ARMH4: variants seen among roughly 807,000 people sequenced by gnomAD.
ARMH4 encodes the protein armadillo like helical domain containing 4, also known as armadillo-like helical domain-containing protein 4.
A neutral mutation model predicts 61.9 loss-of-function variants in ARMH4; 49 were observed. That is an observed-to-expected ratio of 0.79 (90% CI 0.63 to 1.00). ARMH4 has a LOEUF of 1.00. Among genes scored for constraint, ARMH4 ranks in the 50% least tolerant of loss-of-function variants. The probability of loss-of-function intolerance (pLI) is 0.00; values close to 1 mark genes in which losing one functional copy is unlikely to be tolerated. For missense variants in ARMH4, 934 were observed against 930.0 expected (o/e 1.00, Z -0.06); for synonymous variants, 368 against 341.5 (o/e 1.08, Z -0.85).
chr14:58,019,735 G>A (rs768524981), intron 5 of ARMH4, among the ~76,000 whole-genome samples: 89 of 152,188 alleles, frequency 5.8e-4, no homozygotes, highest in Middle Eastern at 3.4e-3. Flanking sequence ...AGGTTGCAGT[G>A]AGCCGAGATC....
intron 5 of ARMH4, among the ~76,000 whole-genome samples, chr14:58,035,931 C>A (rs1467683304): frequency 7.6e-6 from 1 of 131,590 alleles, no homozygotes; most frequent in Non-Finnish European, 1.7e-5. Flanking sequence ...CAAAAAGAGT[C>A]CAGGACCAGA....
At position 58,138,488 on chromosome 14, in the gene ARMH4, G is replaced by C; in HGVS notation, c.871C>G (p.Leu291Val). The C allele has an allele frequency of 6.2e-7, 1 of 1,614,224 alleles. No homozygotes were observed. The highest frequency in any genetic ancestry group is 8.5e-7 in the Non-Finnish European group (1 of 1,180,036). The stretch of plus-strand genomic sequence containing the variant: ...CTCACTGTGACTTCTGGGGCTCCCA[G>C]CAGACTATCAGTTTCTGGCTCAACA... ...LSVEPETDSLLGAPEVTVSVS... is the reference protein window; with the variant it reads ...LSVEPETDSLVGAPEVTVSVS... The change falls in exon 2 of 8, where the codon CTG becomes GTG. Residue 291 changes from leucine to valine, a missense_variant. Transcript: ENST00000267485.
intron 5 of ARMH4, among the ~76,000 whole-genome samples, chr14:58,046,290 T>G (rs1348725269): frequency 6.6e-6 from 1 of 152,142 alleles, no homozygotes; most frequent in African/African-American, 2.4e-5. Flanking sequence ...AAGAACTTGC[T>G]GAGATGTTCT....
At chr14:58,124,642 C>CAAT (rs1441332983) in intron 4 of ARMH4, among the ~76,000 whole-genome samples, 5 of 152,256 alleles carry the variant, frequency 3.3e-5, no homozygotes, top group African/African-American at 4.8e-5. Context: ...TTCTTCCAGA[C>CAAT]AATAAAGAAA....
intron 6 of ARMH4, among the ~76,000 whole-genome samples, chr14:58,006,758 C>T (rs927486693): frequency 1.6e-4 from 20 of 123,646 alleles, no homozygotes; most frequent in African/African-American, 5.4e-4. Context: ...CGGGCCCTGT[C>T]GTGGGGTGAG....
intron 4 of ARMH4, chr14:58,101,045 A>C (rs1291462503): frequency 5.6e-6 from 1 of 177,196 alleles, no homozygotes; most frequent in East Asian, 1.5e-4. Context: ...CCGCCTGTGT[A>C]GTGGGCACCT....
At position 58,112,839 on chromosome 14, in the gene ARMH4, C is replaced by T. The variant is rs181647155; in HGVS notation, c.1832-15858G>A. On this transcript the variant is annotated intron_variant, in intron 4 of 7. Coordinates refer to ENST00000267485, the MANE Select transcript of ARMH4 (RefSeq NM_001001872.4). ...TTCCACCATTGCTGCTAAGTCTGCT[C>T]TCAGTCTAAATTTTGTTCCTTTGTA... Among the ~76,000 whole-genome samples, 720 of 152,290 alleles carry T rather than the reference C, an allele frequency of 4.7e-3. 15 individuals are homozygous for T. Among genetic ancestry groups the T allele is most frequent in the Admixed American group, 0.044 (671 of 15,288 alleles).
At chr14:58,133,923 G>A (rs1256935834) in intron 2 of ARMH4, among the ~76,000 whole-genome samples, 1 of 152,190 alleles carries the variant, frequency 6.6e-6, no homozygotes, top group Non-Finnish European at 1.5e-5. Flanking sequence ...CACAGAAGCT[G>A]CATCATAGTG....
chr14:58,106,362 T>TA (rs1306900706), intron 4 of ARMH4, among the ~76,000 whole-genome samples: 4 of 152,210 alleles, frequency 2.6e-5, no homozygotes, highest in Admixed American at 2.0e-4. Flanking sequence ...TTCAGACAGT[T>TA]AGATGGTTCA....
intron 2 of ARMH4, 52 bp downstream of exon 2, chr14:58,137,938 T>A (rs1196605198): frequency 1.3e-6 from 2 of 1,512,676 alleles, no homozygotes; most frequent in East Asian, 2.3e-5. Context: ...AAAAAAAAAA[T>A]TGAAAGTTTC....
intron 2 of ARMH4, among the ~76,000 whole-genome samples, chr14:58,134,437 G>C (rs949135914): frequency 6.6e-6 from 1 of 152,092 alleles, no homozygotes; most frequent in South Asian, 2.1e-4. Flanking sequence ...TAAATGTTTT[G>C]CCTTCAACAG....
chr14:58,051,683 C>T (rs888027167), intron 5 of ARMH4, among the ~76,000 whole-genome samples: 1 of 152,142 alleles, frequency 6.6e-6, no homozygotes, highest in East Asian at 1.9e-4. Flanking sequence ...TCCAGGGCAT[C>T]GTCTAGACTG....
chr14:58,029,001 T>C (rs1166089167), intron 5 of ARMH4, among the ~76,000 whole-genome samples: 1 of 152,102 alleles, frequency 6.6e-6, no homozygotes, highest in East Asian at 1.9e-4. Flanking sequence ...TGTACAACCA[T>C]TACCTCTATC....
At chr14:58,143,648 G>C (rs1334030422) in intron 1 of ARMH4, among the ~76,000 whole-genome samples, 4 of 151,674 alleles carry the variant, frequency 2.6e-5, no homozygotes, top group Non-Finnish European at 5.9e-5. Context: ...ATTTTTAATA[G>C]AGACAGGGTT....
intron 4 of ARMH4, among the ~76,000 whole-genome samples, chr14:58,097,405 T>C (rs867566058): frequency 2.6e-5 from 4 of 152,180 alleles, no homozygotes; most frequent in Admixed American, 2.6e-4. Flanking sequence ...AAGGAGACAA[T>C]TCATTATTTT....
intron 4 of ARMH4, among the ~76,000 whole-genome samples, chr14:58,108,416 G>A (rs1465943506): frequency 6.6e-6 from 1 of 152,154 alleles, no homozygotes; most frequent in Admixed American, 6.5e-5. Flanking sequence ...GGACTAGTAA[G>A]TTATTAATAC....
rs189824244 is a variant in ARMH4, at chr14:58,091,896, C to A, written c.2089+4828G>T. Among the ~76,000 whole-genome samples the A allele has an allele frequency of 1.1e-3, 173 of 152,036 alleles. 1 individual carries two copies. The highest frequency in any genetic ancestry group is 3.6e-3 in the African/African-American group (149 of 41,304). ...CTCTCTATCCCAGCAACACACAGTT[C>A]ACTCCACAGTCACAATTCCCTGCAG... On this transcript the variant is annotated intron_variant, in intron 5 of 7. Transcript: ENST00000267485.
intron 2 of ARMH4, 67 bp from the exon 3 acceptor site, chr14:58,133,408 T>G (rs1373725945): frequency 5.2e-5 from 64 of 1,226,570 alleles, no homozygotes; most frequent in Middle Eastern, 2.9e-4. Flanking sequence ...AAAATCATGA[T>G]ATGATTAAAA....
intron 5 of ARMH4, among the ~76,000 whole-genome samples, chr14:58,056,941 G>A (rs1416348824): frequency 6.6e-6 from 1 of 152,174 alleles, no homozygotes; most frequent in Non-Finnish European, 1.5e-5. Flanking sequence ...CCTGAAGAGA[G>A]TAAGTTTGCC....
Sources: gnomAD v4.1 joint callset for allele counts (sites outside exome capture counted in the v4.1 genomes callset) on GRCh38, gnomAD v4.1.1 for gene constraint, MANE v1.5 for transcripts, NCBI Gene and HGNC (gene_info 2026-07-23, HGNC 2026-07-21) for gene names.